ECD: variants seen among roughly 807,000 people sequenced by gnomAD.
ECD encodes the protein protein ecdysoneless homolog.
ECD carries 59 observed loss-of-function variants against 77.2 expected under a neutral mutation model. The ratio of observed to expected loss-of-function variants is 0.76; its 90% CI spans 0.62 to 0.95. The LOEUF (loss-of-function observed/expected upper bound fraction) is 0.95, where lower values mean the gene tolerates loss of function less well. ECD is among the 40% of genes least tolerant of loss of function. The pLI is 0.00. For synonymous variants in ECD, 233 were observed against 267.4 expected, an observed-to-expected ratio of 0.87 and a Z score of 1.26; for missense variants, 704 against 763.4, an observed-to-expected ratio of 0.92 and a Z score of 0.92.
intron 6 of ECD, among the ~76,000 whole-genome samples, 171 bp downstream of exon 6, chr10:73,154,085 C>G (rs1249239621): frequency 6.6e-6 from 1 of 152,130 alleles, no homozygotes; most frequent in African/African-American, 2.4e-5. Flanking sequence ...AAGGAATATT[C>G]AATCTATATT....
chr10:73,142,359 T>C (rs755252816), intron 9 of ECD, among the ~76,000 whole-genome samples: 2 of 151,922 alleles, frequency 1.3e-5, no homozygotes, highest in Admixed American at 6.6e-5. Context: ...ATCATGTACC[T>C]TAAAAATATT....
In ECD at chr10:73,154,464, T is replaced by C; in HGVS notation, c.591-16A>G. 1 of 1,590,378 alleles carries C rather than the reference T, an allele frequency of 6.3e-7. No homozygotes were observed. Among genetic ancestry groups the C allele is most frequent in the Non-Finnish European group, 8.5e-7 (1 of 1,171,894 alleles). On this transcript the variant is annotated splice_polypyrimidine_tract_variant and intron_variant, in intron 5 of 13. Coordinates refer to ENST00000372979, the MANE Select transcript of ECD (RefSeq NM_007265.3). ...TTCTGGGTACCTGGGACAGGTAACATAATTACTTTCATTTTACAGTATATA... is the reference window on the plus strand; with the variant it reads ...TTCTGGGTACCTGGGACAGGTAACACAATTACTTTCATTTTACAGTATATA...
chr10:73,152,366 T>G lies in ECD; in HGVS notation c.839A>C (p.Asp280Ala). ...AGGCAGCCTGTATCCACTCCGCCGG[T>G]CTGGCACAAACCTTTGTTGCACCAA... ...AQLVQQRFVP[D>A]RRSGYRLPPP... The change falls in exon 7 of 14, where the codon GAC becomes GCC. Residue 280 changes from aspartate (D) to alanine (A), a missense_variant. Around this residue, in one of 3 missense-constraint regions of ECD, gnomAD observed 559 missense variants for 583.7 expected, o/e 0.96. Coordinates refer to ENST00000372979, the MANE Select transcript of ECD (RefSeq NM_007265.3). The G allele has an allele frequency of 6.2e-7, 1 of 1,613,968 alleles. No homozygotes were observed. Among genetic ancestry groups the G allele is most frequent in the South Asian group, 1.1e-5 (1 of 91,080 alleles).
In ECD at chr10:73,146,299, C is replaced by G; in HGVS notation, c.1104G>C (p.Gln368His). The G allele has an allele frequency of 6.2e-7, 1 of 1,609,992 alleles. No homozygotes were observed. The highest frequency in any genetic ancestry group is 8.5e-7 in the Non-Finnish European group (1 of 1,177,402). Reference protein sequence around the residue: ...ERLEMAENYFQLSVDWPESSL... With the variant: ...ERLEMAENYFHLSVDWPESSL... ...ACCTTTCTGGCCAGTCTACTGAGAG[C>G]TGGAAGTAATTCTCTGCCATTTCTA... Residue 368 changes from glutamine (Q) to histidine (H), a missense_variant, in exon 9 of 14, where the codon CAG (glutamine) becomes CAC (histidine). Around this residue, in one of 3 missense-constraint regions of ECD, gnomAD observed 559 missense variants for 583.7 expected, o/e 0.96. Transcript: ENST00000372979.
At position 73,164,985 on chromosome 10, in the gene ECD, G is replaced by A. The variant is rs77828663; in HGVS notation, c.-13-1035C>T. The stretch of plus-strand genomic sequence containing the variant: ...AGCAGTGGTATGTGTAATATATTTC[G>A]AGAAACACTGCACTAACACCTACTG... On this transcript the variant is annotated intron_variant, in intron 1 of 13. Transcript: ENST00000372979. Among the ~76,000 whole-genome samples the A allele has an allele frequency of 6.7e-3, 1,025 of 152,122 alleles. 30 individuals are homozygous for A. Among genetic ancestry groups the A allele is most frequent in the East Asian group, 0.035 (180 of 5,182 alleles).
intron 1 of ECD, among the ~76,000 whole-genome samples, chr10:73,164,918 T>C (rs1213201489): frequency 6.6e-6 from 1 of 152,222 alleles, no homozygotes; most frequent in South Asian, 2.1e-4. Flanking sequence ...TTTTCCTATT[T>C]TGGAAGTGAA....
chr10:73,134,623 T>C lies in ECD; in HGVS notation c.1895A>G (p.Asn632Ser), dbSNP rs1003723347. The change falls in exon 14 of 14, where the codon AAC (asparagine) becomes AGC (serine). Residue 632 changes from asparagine (N) to serine (S), a missense_variant. Around this residue, in one of 3 missense-constraint regions of ECD, gnomAD observed 142 missense variants for 163.6 expected, o/e 0.87. Transcript: ENST00000372979. ...LQSMGVQLPD[N>S]TDHRPTSKPT... ...CTTACTTGTTGGTCTGTGATCGGTG[T>C]TGTCAGGCAGCTGCACTCCCATGCT... is the stretch of plus-strand genomic sequence containing the variant. 5.0e-6 allele frequency: 8 copies of C among 1,614,244 alleles called. 1 individual carries two copies. The highest frequency in any genetic ancestry group is 3.3e-4 in the Middle Eastern group (2 of 6,062).
intron 8 of ECD, 73 bp downstream of exon 8, chr10:73,148,203 T>C (rs1843153120): frequency 6.4e-7 from 1 of 1,568,624 alleles, no homozygotes; most frequent in East Asian, 2.3e-5. Flanking sequence ...AAATATGGAC[T>C]ATAGGACTTT....
rs1280348759 is a variant in ECD, at chr10:73,160,495, C to T, written c.262G>A (p.Glu88Lys). ...TTTATTACATAAACAATAAACCATTCATCCTCAATGTTATCCCCAAACTTT... is the reference window on the plus strand; with the variant it reads ...TTTATTACATAAACAATAAACCATTTATCCTCAATGTTATCCCCAAACTTT... ...VTKFGDNIED[E>K]WFIVYVIKQI... is the part of the protein sequence containing the mutation. Residue 88 changes from glutamate (E) to lysine (K), a missense_variant, in exon 3 of 14, where the codon GAA (glutamate) becomes AAA (lysine). Around this residue, in one of 3 missense-constraint regions of ECD, gnomAD observed 559 missense variants for 583.7 expected, o/e 0.96. Coordinates refer to ENST00000372979, the MANE Select transcript of ECD (RefSeq NM_007265.3). 6.2e-7 allele frequency: 1 copy of T among 1,612,158 alleles called. No homozygotes were observed. The highest frequency in any genetic ancestry group is 8.5e-7 in the Non-Finnish European group (1 of 1,179,240).
intron 2 of ECD, among the ~76,000 whole-genome samples, chr10:73,161,606 C>G (rs1398870801): frequency 1.3e-5 from 2 of 152,096 alleles, no homozygotes; most frequent in Non-Finnish European, 2.9e-5. Context: ...GGGAATTCTT[C>G]CAAACATTTA....
chr10:73,153,715 G>C (rs1471187931), intron 6 of ECD, among the ~76,000 whole-genome samples: 1 of 110,984 alleles, frequency 9.0e-6, no homozygotes, highest in East Asian at 2.8e-4. Flanking sequence ...GAGAGAGTGA[G>C]ACTCTGTCTC....
chr10:73,150,422 T>C (rs1330904354), intron 7 of ECD, among the ~76,000 whole-genome samples: 2 of 152,150 alleles, frequency 1.3e-5, no homozygotes, highest in Non-Finnish European at 2.9e-5. Context: ...ATAAAAACCC[T>C]AGAAGAAAAC....
intron 9 of ECD, 111 bp downstream of exon 9, chr10:73,146,165 G>T: frequency 2.3e-6 from 1 of 442,242 alleles, no homozygotes; most frequent in Non-Finnish European, 3.3e-6. Context: ...GTGACAGAGT[G>T]AGACTCCGTC....
chr10:73,160,385 T>G lies in ECD; in HGVS notation c.323+49A>C, dbSNP rs1260464036. 3 of 1,277,768 alleles carry G rather than the reference T, an allele frequency of 2.3e-6. No homozygotes were observed. The African/African-American group carries it at 4.6e-5, about 19-fold the overall frequency. The allele number at this position is 1,277,768 out of a possible 1,614,324, so 79.2% of individuals were successfully genotyped here. On this transcript the variant is annotated intron_variant, in intron 3 of 13. Transcript: ENST00000372979. Reference sequence around the variant, plus strand: ...CTAAATAGATAAAAATGTAGTCACTTTGTTTCAGTAATAGAATTCCTTTAG... The same window carrying G: ...CTAAATAGATAAAAATGTAGTCACTGTGTTTCAGTAATAGAATTCCTTTAG...
rs190285969 is a variant in ECD, at chr10:73,142,508, C to T, written c.1128-2771G>A. Among the ~76,000 whole-genome samples, 36 of 151,822 alleles carry T rather than the reference C, an allele frequency of 2.4e-4. 1 individual carries two copies. The East Asian group carries it at 6.6e-3, about 28-fold the overall frequency. ...GATTAGCCAGGTATGATGGCACGCG[C>T]CTGTAGTCCCAGCTACTCAGGAGGC... On this transcript the variant is annotated intron_variant, in intron 9 of 13. Coordinates refer to ENST00000372979, the MANE Select transcript of ECD (RefSeq NM_007265.3).
At chr10:73,140,534 T>C (rs1843040811) in intron 9 of ECD, among the ~76,000 whole-genome samples, 1 of 151,604 alleles carries the variant, frequency 6.6e-6, no homozygotes, top group Non-Finnish European at 1.5e-5. Context: ...ATACAAAAAT[T>C]AGCTGGGCAT....
At chr10:73,152,256 T>C (rs781226764) in intron 7 of ECD, 37 bp downstream of exon 7, 1 of 1,602,908 alleles carries the variant, frequency 6.2e-7, no homozygotes, top group African/African-American at 1.3e-5. Flanking sequence ...TCCATTTACA[T>C]AAAGAAAGGA....
At chr10:73,140,023 C>T (rs541516316) in intron 9 of ECD, among the ~76,000 whole-genome samples, 6 of 152,058 alleles carry the variant, frequency 3.9e-5, no homozygotes, top group South Asian at 4.2e-4. Context: ...TTCACTCTGT[C>T]GCCCAGGCTG....
chr10:73,154,308 C>A lies in ECD; in HGVS notation c.731G>T (p.Arg244Leu). The part of the protein sequence containing the change: ...AFYLRDPIDL[R>L]ACRVFKTFLP... ...GAATGTCTTGAAAACACGACAAGCTCGCAGGTCAATAGGGTCTCGTAGGTA... is the reference window on the plus strand; with the variant it reads ...GAATGTCTTGAAAACACGACAAGCTAGCAGGTCAATAGGGTCTCGTAGGTA... Residue 244 changes from arginine to leucine, a missense_variant, in exon 6 of 14, where the codon CGA (arginine) becomes CTA (leucine). Arg to Leu is a moderately radical substitution (Grantham distance 102). Around this residue, in one of 3 missense-constraint regions of ECD, gnomAD observed 559 missense variants for 583.7 expected, o/e 0.96. Transcript: ENST00000372979. 6.2e-7 allele frequency: 1 copy of A among 1,613,272 alleles called. No homozygotes were observed. The highest frequency in any genetic ancestry group is 1.1e-5 in the South Asian group (1 of 90,880).
Sources: allele counts gnomAD v4.1 joint callset (sites outside exome capture counted in the v4.1 genomes callset), GRCh38; gene constraint gnomAD v4.1.1; regional missense constraint gnomAD v4.1.1; transcripts MANE v1.5; gene names NCBI Gene and HGNC (gene_info 2026-07-23, HGNC 2026-07-21).